Variants in COPB2 observed in about 807,000 individuals in gnomAD.
COPB2 encodes the protein coatomer subunit beta'.
A neutral mutation model predicts 120.8 loss-of-function variants in COPB2; 16 were observed. The ratio of observed to expected loss-of-function variants is 0.13; its 90% CI spans 0.09 to 0.20. The LOEUF (loss-of-function observed/expected upper bound fraction) is 0.20. COPB2 is among the 10% of genes least tolerant of loss of function. The pLI, the probability that COPB2 is intolerant of heterozygous loss-of-function variation, is 1.00. For synonymous variants in COPB2, 332 were observed against 366.3 expected, an observed-to-expected ratio of 0.91 and a Z score of 1.07; for missense variants, 794 against 1,076.5, an observed-to-expected ratio of 0.74 and a Z score of 3.67.
chr3:139,377,989 G>T lies in COPB2; in HGVS notation c.504+52C>A, dbSNP rs887969986. The T allele has an allele frequency of 2.8e-6, 4 of 1,447,680 alleles. No individual in the cohort carries two copies. In the African/African-American group the frequency reaches 5.5e-5, roughly 20 times the overall value. 89.7% of individuals were successfully genotyped at this position (1,447,680 alleles called of 1,614,324 possible). On this transcript the variant is annotated intron_variant, in intron 5 of 21. Transcript: ENST00000333188. ...ACCAGTCAACAGTAAAACACCTAAGGCAAGTATAGTTCACTAATAATGATA... is the reference window on the plus strand; with the variant it reads ...ACCAGTCAACAGTAAAACACCTAAGTCAAGTATAGTTCACTAATAATGATA...
intron 12 of COPB2, 95 bp downstream of exon 12, chr3:139,369,166 G>GA: frequency 3.7e-6 from 3 of 803,504 alleles, no homozygotes; most frequent in Non-Finnish European, 5.9e-6. Context: ...ATCGAAGAGG[G>GA]AGAGCAGGGT....
chr3:139,387,341 T>G (rs1297676745), intron 1 of COPB2, among the ~76,000 whole-genome samples: 1 of 152,112 alleles, frequency 6.6e-6, no homozygotes, highest in African/African-American at 2.4e-5. Flanking sequence ...AACAGTTAAG[T>G]GACTATTTTG....
chr3:139,383,962 T>G (rs1941863412), intron 1 of COPB2, among the ~76,000 whole-genome samples: 1 of 152,232 alleles, frequency 6.6e-6, no homozygotes, highest in African/African-American at 2.4e-5. Flanking sequence ...TTTCTCATTA[T>G]CTGCTTCTGC....
At chr3:139,367,470 T>C (rs1032248983) in intron 13 of COPB2, among the ~76,000 whole-genome samples, 5 of 152,024 alleles carry the variant, frequency 3.3e-5, no homozygotes, top group East Asian at 3.9e-4. Flanking sequence ...ATGTTTTTCG[T>C]AGAGACAGGG....
chr3:139,361,719 A>G (rs1560012874), intron 16 of COPB2, among the ~76,000 whole-genome samples: 1 of 152,228 alleles, frequency 6.6e-6, no homozygotes, highest in African/African-American at 2.4e-5. Flanking sequence ...AGAACTCAAA[A>G]TGCTGCATGT....
At chr3:139,358,628 C>CCTAG in intron 20 of COPB2, 116 bp downstream of exon 20, 1 of 725,888 alleles carries the variant, frequency 1.4e-6, no homozygotes, top group South Asian at 1.6e-5. Context: ...TTGCAGTGAG[C>CCTAG]CTAGATCGCG....
At chr3:139,358,698 A>G in intron 20 of COPB2, 46 bp downstream of exon 20, 2 of 1,321,514 alleles carry the variant, frequency 1.5e-6, no homozygotes, top group Non-Finnish European at 2.2e-6. Context: ...AAAAAAAAAA[A>G]GTGAACCATC....
intron 17 of COPB2, among the ~76,000 whole-genome samples, chr3:139,360,010 C>A (rs1941379956): frequency 6.6e-6 from 1 of 152,046 alleles, no homozygotes; most frequent in Non-Finnish European, 1.5e-5. Context: ...ACTAAAAATA[C>A]TAAAGCAGTT....
chr3:139,365,652 G>A (rs1298073668), intron 15 of COPB2, among the ~76,000 whole-genome samples: 1 of 152,170 alleles, frequency 6.6e-6, no homozygotes, highest in Non-Finnish European at 1.5e-5. Context: ...GAAAACCAGT[G>A]CAGTCTGAAG....
intron 3 of COPB2, 49 bp from the exon 4 acceptor site, chr3:139,379,222 T>C: frequency 6.4e-7 from 1 of 1,564,418 alleles, no homozygotes; most frequent in Non-Finnish European, 8.6e-7. Context: ...AAGTAAATTA[T>C]ACAAAAAAAC....
chr3:139,385,737 T>C (rs572153259), intron 1 of COPB2, among the ~76,000 whole-genome samples: 1 of 152,376 alleles, frequency 6.6e-6, no homozygotes, highest in East Asian at 1.9e-4. Flanking sequence ...AGATAATTAT[T>C]TGAATAACTA....
At chr3:139,374,785 A>G (rs531350505) in intron 6 of COPB2, among the ~76,000 whole-genome samples, 197 bp from the exon 7 acceptor site, 1 of 152,284 alleles carries the variant, frequency 6.6e-6, no homozygotes, top group Admixed American at 6.5e-5. Context: ...TGTAAAATAA[A>G]TGTAAATGTA....
intron 13 of COPB2, among the ~76,000 whole-genome samples, chr3:139,367,762 C>T (rs538403801): frequency 2.0e-4 from 31 of 152,188 alleles, no homozygotes; most frequent in East Asian, 1.3e-3. Context: ...AAACTTAGAC[C>T]CTTCATAACA....
At position 139,359,375 on chromosome 3, in the gene COPB2, AAGG is replaced by A. The variant is rs1468795980; in HGVS notation, c.2211-16_2211-14del. The A allele has an allele frequency of 1.2e-6, 2 of 1,610,296 alleles. No homozygotes were observed. Among genetic ancestry groups the A allele is most frequent in the Non-Finnish European group, 1.7e-6 (2 of 1,177,116 alleles). On this transcript the variant is annotated splice_polypyrimidine_tract_variant and intron_variant, in intron 17 of 21. Transcript: ENST00000333188. The stretch of plus-strand genomic sequence containing the variant: ...GCAGGCATCAACCCTAAACATTAAA[AAGG>A]AGAGGTACTGTTACCAAGAATAAAC...
rs1049434620 is a variant in COPB2, at chr3:139,383,230, T to G, written c.141+68A>C. 1.9e-6 allele frequency: 3 copies of G among 1,548,204 alleles called. No homozygotes were observed. In the African/African-American group the frequency reaches 4.1e-5, roughly 21 times the overall value. On this transcript the variant is annotated intron_variant, in intron 2 of 21. Coordinates refer to ENST00000333188, the MANE Select transcript of COPB2 (RefSeq NM_004766.3). ...ATTCTGGATTCTGTTATAATATTTCTTCTCTTTCATTATAAACACAGTCTC... is the reference window on the plus strand; with the variant it reads ...ATTCTGGATTCTGTTATAATATTTCGTCTCTTTCATTATAAACACAGTCTC...
intron 2 of COPB2, 145 bp downstream of exon 2, chr3:139,383,152 TC>T: frequency 1.1e-6 from 1 of 884,050 alleles, no homozygotes; most frequent in African/African-American, 1.6e-5. Context: ...AAATGTTAGT[TC>T]CTTCATATTT....
intron 17 of COPB2, among the ~76,000 whole-genome samples, 198 bp from the exon 18 acceptor site, chr3:139,359,560 C>G (rs1941371303): frequency 6.6e-6 from 1 of 152,156 alleles, no homozygotes; most frequent in African/African-American, 2.4e-5. Context: ...GCTTTCCTGA[C>G]TACTTTGAAT....
intron 15 of COPB2, among the ~76,000 whole-genome samples, chr3:139,366,338 G>A (rs1941514751): frequency 6.6e-6 from 1 of 151,868 alleles, no homozygotes; most frequent in African/African-American, 2.4e-5. Flanking sequence ...GCACAGAAAA[G>A]GAAGACTGAA....
Position 139,368,436 on chromosome 3 carries a change from G to A in COPB2, c.1402-148C>T, listed in dbSNP as rs1016820475. On this transcript the variant is annotated intron_variant, in intron 12 of 21. Coordinates refer to ENST00000333188, the MANE Select transcript of COPB2 (RefSeq NM_004766.3). ...AATTTTATGTGGCATTATTTGGGAG[G>A]GTGGCCAGCTATTATGTGGCTATGC... is the stretch of plus-strand genomic sequence containing the variant. The A allele has an allele frequency of 2.3e-5, 19 of 834,846 alleles. No homozygotes were observed. In the Admixed American group the frequency reaches 5.5e-4, roughly 24 times the overall value. 51.7% of individuals were successfully genotyped at this position (834,846 alleles called of 1,614,324 possible).
Sources: allele counts gnomAD v4.1 joint callset (sites outside exome capture counted in the v4.1 genomes callset), GRCh38; gene constraint gnomAD v4.1.1; transcripts MANE v1.5; gene names NCBI Gene and HGNC (gene_info 2026-07-23, HGNC 2026-07-21).